The following FHIT variants were observed in gnomAD, a reference collection of about 807,000 sequenced individuals.
FHIT encodes fragile histidine triad diadenosine triphosphatase.
FHIT carries 19 observed loss-of-function variants against 17.9 expected under a neutral mutation model. The observed-to-expected ratio is 1.06, with a 90% CI of 0.74 to 1.56. The LOEUF is 1.56. Among genes scored for constraint, FHIT ranks in the 40% most tolerant of loss-of-function variants. The pLI is 0.00. For missense variants in FHIT, 248 were observed against 189.2 expected (o/e 1.31, Z -1.82); for synonymous variants, 81 against 69.7 (o/e 1.16, Z -0.81).
chr3:59,846,865 C>T (rs1478324825), intron 8 of FHIT, among the ~76,000 whole-genome samples: 1 of 152,054 alleles, frequency 6.6e-6, no homozygotes, highest in Admixed American at 6.6e-5. Context: ...TGATTATTGG[C>T]TGACAGTTTT....
chr3:60,991,883 T>C (rs904554409), intron 3 of FHIT, among the ~76,000 whole-genome samples: 2 of 152,096 alleles, frequency 1.3e-5, no homozygotes, highest in Non-Finnish European at 2.9e-5. Flanking sequence ...ATCATTCAGG[T>C]GAGAATACAG....
intron 5 of FHIT, among the ~76,000 whole-genome samples, chr3:60,225,642 C>T (rs115331156): frequency 0.028 from 4,231 of 152,220 alleles, 181 homozygotes; most frequent in African/African-American, 0.089. Context: ...TTTGAGTAGA[C>T]GCTTACTTCT....
intron 5 of FHIT, among the ~76,000 whole-genome samples, chr3:60,111,482 C>T (rs1704667595): frequency 6.6e-6 from 1 of 152,150 alleles, no homozygotes; most frequent in South Asian, 2.1e-4. Context: ...TGATGCCAAC[C>T]CATGCAGATT....
chr3:60,411,544 A>C (rs1345365005), intron 5 of FHIT, among the ~76,000 whole-genome samples: 1 of 152,152 alleles, frequency 6.6e-6, no homozygotes, highest in African/African-American at 2.4e-5. Context: ...TTCTGGACCT[A>C]CTGGCAATAT....
intron 3 of FHIT, among the ~76,000 whole-genome samples, chr3:60,963,984 ATTG>A (rs1411775448): frequency 6.6e-6 from 1 of 152,038 alleles, no homozygotes; most frequent in Non-Finnish European, 1.5e-5. Context: ...CCTGGATATC[ATTG>A]TTAACTTTCT....
intron 5 of FHIT, among the ~76,000 whole-genome samples, chr3:60,494,029 A>G (rs1435560539): frequency 6.6e-6 from 1 of 152,218 alleles, no homozygotes; most frequent in Non-Finnish European, 1.5e-5. Context: ...TAAATGACAT[A>G]TACTCAAATA....
At chr3:60,051,965 T>C (rs1473066265) in intron 5 of FHIT, among the ~76,000 whole-genome samples, 1 of 152,158 alleles carries the variant, frequency 6.6e-6, no homozygotes, top group South Asian at 2.1e-4. Context: ...ACAGACCCAA[T>C]TTGGCAGCAA....
At chr3:60,410,113 G>A (rs1702009262) in intron 5 of FHIT, among the ~76,000 whole-genome samples, 1 of 152,146 alleles carries the variant, frequency 6.6e-6, no homozygotes, top group African/African-American at 2.4e-5. Flanking sequence ...TGAAAGCATA[G>A]GTAAAAGTTA....
chr3:59,968,351 T>G (rs568480535), intron 7 of FHIT, among the ~76,000 whole-genome samples: 2 of 152,040 alleles, frequency 1.3e-5, no homozygotes, highest in East Asian at 3.9e-4. Flanking sequence ...GGCAGAAACC[T>G]ATATGAACTT....
chr3:60,864,336 C>T (rs945808754), intron 3 of FHIT, among the ~76,000 whole-genome samples: 3 of 152,102 alleles, frequency 2.0e-5, no homozygotes, highest in African/African-American at 7.2e-5. Context: ...GGTGAAGAAA[C>T]CAGCCTAAAG....
chr3:60,137,441 G>A (rs925169645), intron 5 of FHIT, among the ~76,000 whole-genome samples: 9 of 152,172 alleles, frequency 5.9e-5, no homozygotes, highest in Non-Finnish European at 7.3e-5. Context: ...CAATTAAAAT[G>A]TGAGTTAAAC....
intron 1 of FHIT, among the ~76,000 whole-genome samples, chr3:61,221,094 T>C (rs1254452426): frequency 8.0e-6 from 1 of 125,394 alleles, no homozygotes; most frequent in African/African-American, 2.9e-5. Context: ...TTCCATGAAA[T>C]CTCAGGGAGC....
intron 5 of FHIT, among the ~76,000 whole-genome samples, chr3:60,479,901 T>C (rs1320575226): frequency 6.6e-6 from 1 of 152,190 alleles, no homozygotes; most frequent in East Asian, 1.9e-4. Context: ...AACCAGTCCC[T>C]GGTGCCAAAA....
At chr3:60,659,813 A>G (rs1553690599) in intron 4 of FHIT, among the ~76,000 whole-genome samples, 1 of 152,160 alleles carries the variant, frequency 6.6e-6, no homozygotes, top group African/African-American at 2.4e-5. Flanking sequence ...TGAATGTGCC[A>G]TACTTGCCTG....
chr3:61,148,956 T>C (rs1015890399), intron 2 of FHIT, among the ~76,000 whole-genome samples: 1 of 152,224 alleles, frequency 6.6e-6, no homozygotes, highest in African/African-American at 2.4e-5. Flanking sequence ...CTTCTGGATC[T>C]TCATGCCACA....
At chr3:60,526,640 C>T (rs2035585191) in intron 5 of FHIT, among the ~76,000 whole-genome samples, 1 of 152,282 alleles carries the variant, frequency 6.6e-6, no homozygotes, top group Admixed American at 6.5e-5. Flanking sequence ...CCCTGCCCCA[C>T]CCTACATTCA....
At chr3:61,049,804 A>T (rs2033958516) in intron 2 of FHIT, among the ~76,000 whole-genome samples, 1 of 152,112 alleles carries the variant, frequency 6.6e-6, no homozygotes, top group South Asian at 2.1e-4. Context: ...TTCTCTCCTG[A>T]AGCAGGTCAT....
At chr3:60,072,224 G>A (rs964022628) in intron 5 of FHIT, among the ~76,000 whole-genome samples, 1 of 152,160 alleles carries the variant, frequency 6.6e-6, no homozygotes, top group Non-Finnish European at 1.5e-5. Context: ...ATAAATCAAA[G>A]TGGCTTCGGA....
At chr3:61,036,185 A>G (rs775829581) in intron 3 of FHIT, among the ~76,000 whole-genome samples, 11 of 152,142 alleles carry the variant, frequency 7.2e-5, no homozygotes, top group African/African-American at 1.9e-4. Context: ...GGCACTTCAC[A>G]TGGGGAAAGC....
Sources: allele counts gnomAD v4.1 joint callset (sites outside exome capture counted in the v4.1 genomes callset), GRCh38; gene constraint gnomAD v4.1.1; transcripts MANE v1.5; gene names NCBI Gene and HGNC (gene_info 2026-07-23, HGNC 2026-07-21).